Variants in KDSR observed in about 807,000 individuals in gnomAD.
KDSR encodes the protein 3-ketodihydrosphingosine reductase, also known as 3-dehydrosphinganine reductase.
KDSR carries 23 observed loss-of-function variants against 41.3 expected under a neutral mutation model. The observed-to-expected ratio is 0.56, with a 90% CI of 0.40 to 0.79. KDSR has a LOEUF of 0.79. Among genes scored for constraint, KDSR ranks in the 30% least tolerant of loss-of-function variants. The pLI, the probability that KDSR is intolerant of heterozygous loss-of-function variation, is 0.00. For missense variants in KDSR, 351 were observed against 416.8 expected, an observed-to-expected ratio of 0.84 and a Z score of 1.37; for synonymous variants, 138 against 151.7, an observed-to-expected ratio of 0.91 and a Z score of 0.66.
chr18:63,355,008 C>T (rs61758853), intron 5 of KDSR, among the ~76,000 whole-genome samples, 196 bp downstream of exon 5: 1 of 152,202 alleles, frequency 6.6e-6, no homozygotes, highest in African/African-American at 2.4e-5. Context: ...AATGTCTAAA[C>T]TCTTAAGCTT....
chr18:63,331,902 C>T lies in KDSR; in HGVS notation c.880-1G>A. The T allele has an allele frequency of 1.2e-6, 2 of 1,613,328 alleles. No homozygotes were observed. The highest frequency in any genetic ancestry group is 2.2e-5 in the South Asian group (2 of 90,852). On this transcript the variant is annotated splice_acceptor_variant, in intron 9 of 9. Coordinates refer to ENST00000645214, the MANE Select transcript of KDSR (RefSeq NM_002035.4). LOFTEE classifies it high-confidence loss of function. ...TGCGGAAAAGGCCCATGGTGACCACCTGCAAGATAAAGAGAGAGCTTTTAG... is the reference window on the plus strand; with the variant it reads ...TGCGGAAAAGGCCCATGGTGACCACTTGCAAGATAAAGAGAGAGCTTTTAG...
At chr18:63,335,528 T>G in intron 8 of KDSR, 170 bp from the exon 9 acceptor site, 1 of 582,570 alleles carries the variant, frequency 1.7e-6, no homozygotes, top group Non-Finnish European at 3.1e-6. Context: ...CAGATGGCAG[T>G]TCTCAACAAG....
intron 7 of KDSR, 62 bp downstream of exon 7, chr18:63,344,348 G>T: frequency 8.5e-7 from 1 of 1,174,050 alleles, no homozygotes; most frequent in Non-Finnish European, 1.3e-6. Flanking sequence ...CTGAAGAGTA[G>T]AAAGAAAATC....
chr18:63,337,062 A>G (rs1257529126), intron 8 of KDSR, among the ~76,000 whole-genome samples: 1 of 147,762 alleles, frequency 6.8e-6, no homozygotes, highest in African/African-American at 2.5e-5. Context: ...CACTTTATAT[A>G]TATGTGACTT....
At position 63,363,207 on chromosome 18, in the gene KDSR, C is replaced by CT. The variant is rs1006397920; in HGVS notation, c.109-340dup. On this transcript the variant is annotated intron_variant, in intron 1 of 9. Transcript: ENST00000645214. ...TCCAAATCCAAATGAATCTTATTTT[C>CT]TTTTTTTTTTTCTTTTTTTTTTTTT... Among the ~76,000 whole-genome samples the CT allele has an allele frequency of 6.6e-3, 804 of 121,748 alleles. 9 individuals are homozygous for CT. The highest frequency in any genetic ancestry group is 0.015 in the African/African-American group (511 of 33,380). 79.9% of individuals were successfully genotyped at this position (121,748 alleles called of 152,430 possible).
intron 9 of KDSR, among the ~76,000 whole-genome samples, chr18:63,332,506 G>A (rs1287284626): frequency 6.6e-6 from 1 of 152,128 alleles, no homozygotes; most frequent in African/African-American, 2.4e-5. Flanking sequence ...AAGCAGCTGG[G>A]ACCATAGGCA....
At chr18:63,362,923 G>A (rs1915032341) in intron 1 of KDSR, 55 bp from the exon 2 acceptor site, 4 of 1,237,020 alleles carry the variant, frequency 3.2e-6, no homozygotes, top group Non-Finnish European at 4.7e-6. Context: ...TCTGTAGGAA[G>A]TTTTTATAAA....
At chr18:63,365,790 G>C (rs1915118543) in intron 1 of KDSR, among the ~76,000 whole-genome samples, 1 of 151,756 alleles carries the variant, frequency 6.6e-6, no homozygotes, top group Non-Finnish European at 1.5e-5. Flanking sequence ...AATTTAGAGT[G>C]TCAAGTTTTG....
chr18:63,366,464 C>T (rs1327593475), intron 1 of KDSR: 1 of 152,946 alleles, frequency 6.5e-6, no homozygotes, highest in East Asian at 1.9e-4. Context: ...TGAGTCACTT[C>T]CTGGAATCCT....
At chr18:63,359,490 A>G in intron 3 of KDSR, 1 of 391,676 alleles carries the variant, frequency 2.6e-6, no homozygotes. Context: ...AAAAATTAAA[A>G]TGAAATTATT....
rs1024192569 is a variant in KDSR at position 63,362,761 on chromosome 18, T to A, written c.198+18A>T. The A allele has an allele frequency of 6.4e-7, 1 of 1,554,982 alleles. No homozygotes were observed. The highest frequency in any genetic ancestry group is 8.9e-7 in the Non-Finnish European group (1 of 1,128,970). On this transcript the variant is annotated intron_variant, in intron 2 of 9. Coordinates refer to ENST00000645214, the MANE Select transcript of KDSR (RefSeq NM_002035.4). ...AGTCGAAGAAGCAAGTCAGTAATAATGAACCTAGAAGCCTTACCTCATTTC... is the reference window on the plus strand; with the variant it reads ...AGTCGAAGAAGCAAGTCAGTAATAAAGAACCTAGAAGCCTTACCTCATTTC...
In KDSR at chr18:63,351,058, G is replaced by A; in HGVS notation, c.439C>T (p.Leu147=). 6.2e-7 allele frequency: 1 copy of A among 1,613,736 alleles called. No individual in the cohort carries two copies. Among genetic ancestry groups the A allele is most frequent in the Non-Finnish European group, 8.5e-7 (1 of 1,179,852 alleles). ...GCCCGGCTGGGGTACACGCTGCCCA[G>A]GTAATTGATGCTCATTAACCTCTGC... ...TFERLMSINY[L]GSVYPSRAVI... is the part of the protein sequence containing the mutation. The change falls in exon 6 of 10, where the codon CTG becomes TTG. Residue 147 remains leucine, a synonymous_variant. Transcript: ENST00000645214.
intron 1 of KDSR, 83 bp downstream of exon 1, chr18:63,366,928 A>T: frequency 1.5e-6 from 1 of 674,910 alleles, no homozygotes; most frequent in Non-Finnish European, 2.2e-6. Context: ...GGCCTGGAAA[A>T]AGGGACGTAG....
chr18:63,354,751 AC>A (rs1445109744), intron 5 of KDSR, among the ~76,000 whole-genome samples: 1 of 152,214 alleles, frequency 6.6e-6, no homozygotes, highest in Non-Finnish European at 1.5e-5. Flanking sequence ...TCCTTGGTAA[AC>A]CTGATTAAAA....
chr18:63,344,414 G>C lies in KDSR; in HGVS notation c.689C>G (p.Thr230Arg), dbSNP rs975190741. Residue 230 changes from threonine to arginine, a missense_variant, in exon 7 of 10, where the codon ACA becomes AGA. Thr to Arg is a moderately conservative substitution (Grantham distance 71). Transcript: ENST00000645214. ...DTPGFAEENR[T>R]KPLETRLISE... is the part of the protein sequence containing the mutation. ...TGGGACATGTAGGATACTGACCTTTGTTCTGTTTTCTTCGGCAAAGCCAGG... is the reference window on the plus strand; with the variant it reads ...TGGGACATGTAGGATACTGACCTTTCTTCTGTTTTCTTCGGCAAAGCCAGG... 1.2e-5 allele frequency: 19 copies of C among 1,611,198 alleles called. No homozygotes were observed. The highest frequency in any genetic ancestry group is 1.6e-5 in the Non-Finnish European group (19 of 1,177,316).
At chr18:63,364,134 T>C (rs942325206) in intron 1 of KDSR, among the ~76,000 whole-genome samples, 5 of 152,182 alleles carry the variant, frequency 3.3e-5, no homozygotes, top group African/African-American at 1.2e-4. Context: ...CCACTTCATC[T>C]GACACCTACT....
At chr18:63,344,591 T>C (rs1599327583) in intron 6 of KDSR, 98 bp from the exon 7 acceptor site, 2 of 776,346 alleles carry the variant, frequency 2.6e-6, no homozygotes, top group East Asian at 5.1e-5. Context: ...CAAAAAGCGG[T>C]GAGAACAATG....
At position 63,330,202 on chromosome 18, in the gene KDSR, C is replaced by T. The variant is rs965253616; in HGVS notation, c.*1580G>A. The T allele has an allele frequency of 1.0e-5, 2 of 199,982 alleles. No homozygotes were observed. Among genetic ancestry groups the T allele is most frequent in the African/African-American group, 4.6e-5 (2 of 43,506 alleles). 12.4% of individuals were successfully genotyped at this position (199,982 alleles called of 1,614,324 possible). On this transcript the variant is annotated 3_prime_UTR_variant, in exon 10 of 10. Coordinates refer to ENST00000645214, the MANE Select transcript of KDSR (RefSeq NM_002035.4). ...AAAAGGTATGCTATAATTTTTAGGT[C>T]TTCAATTTTTGTATAGAGTTTTTAT...
intron 6 of KDSR, among the ~76,000 whole-genome samples, chr18:63,347,363 G>T (rs1388363467): frequency 6.6e-6 from 1 of 151,876 alleles, no homozygotes; most frequent in Non-Finnish European, 1.5e-5. Flanking sequence ...GGGCATGGTG[G>T]TGGGCACCTG....
Sources: allele counts gnomAD v4.1 joint callset (sites outside exome capture counted in the v4.1 genomes callset), GRCh38; gene constraint gnomAD v4.1.1; transcripts MANE v1.5; gene names NCBI Gene and HGNC (gene_info 2026-07-23, HGNC 2026-07-21).